Variants in TBXAS1 observed in about 807,000 individuals in gnomAD.
TBXAS1 encodes the protein thromboxane-A synthase.
Under a neutral mutation model 60.7 loss-of-function variants are expected in TBXAS1, and 48 were observed. The ratio of observed to expected loss-of-function variants is 0.79; its 90% CI spans 0.63 to 1.01. The LOEUF is 1.01. Ranked by LOEUF, TBXAS1 falls within the 50% of genes least tolerant of loss-of-function variation. The probability of loss-of-function intolerance (pLI) is 0.00; values close to 1 mark genes in which losing one functional copy is unlikely to be tolerated. For synonymous variants in TBXAS1, 287 were observed against 269.7 expected, an observed-to-expected ratio of 1.06 and a Z score of -0.63; for missense variants, 685 against 686.3, an observed-to-expected ratio of 1.00 and a Z score of 0.02.
intron 2 of TBXAS1, 64 bp from the exon 3 acceptor site, chr7:139,875,521 A>G (rs1166155302): frequency 1.4e-6 from 2 of 1,392,284 alleles, no homozygotes; most frequent in East Asian, 4.6e-5. Context: ...TGTTTACTGA[A>G]TAAGTTTGAA....
intron 9 of TBXAS1, among the ~76,000 whole-genome samples, chr7:139,995,764 A>G (rs2117629359): frequency 6.6e-6 from 1 of 152,282 alleles, no homozygotes; most frequent in East Asian, 1.9e-4. Context: ...ACTGCATGGC[A>G]CAGCACTGCC....
intron 9 of TBXAS1, among the ~76,000 whole-genome samples, chr7:139,984,333 G>A (rs1812181193): frequency 6.6e-6 from 1 of 151,740 alleles, no homozygotes; most frequent in Admixed American, 6.6e-5. Context: ...TTTTTACAGA[G>A]CCATGTCAGA....
rs1584878386 is a variant in TBXAS1, at chr7:139,930,004, A to C, written c.334-6187A>C. Among the ~76,000 whole-genome samples the C allele has an allele frequency of 2.0e-5, 3 of 152,234 alleles. No homozygotes were observed. In the East Asian group the frequency reaches 5.8e-4, roughly 29 times the overall value. On this transcript the variant is annotated intron_variant, in intron 4 of 12. Coordinates refer to ENST00000448866, the MANE Select transcript of TBXAS1 (RefSeq NM_001061.7). Reference sequence around the variant, plus strand: ...GTCTTGTGGAGTACAAATCCTACCAAGATTCTGGAGGCCCTCCACACACAG... The same window carrying C: ...GTCTTGTGGAGTACAAATCCTACCACGATTCTGGAGGCCCTCCACACACAG...
At chr7:139,873,311 G>A (rs149159927) in intron 2 of TBXAS1, among the ~76,000 whole-genome samples, 5 of 152,324 alleles carry the variant, frequency 3.3e-5, no homozygotes, top group East Asian at 3.9e-4. Context: ...AGGAAGGCAC[G>A]TGAAGAACTA....
In TBXAS1 at chr7:139,961,993, C is replaced by T. The variant is rs768208353; in HGVS notation, c.894C>T (p.Asp298=). 1.9e-6 allele frequency: 3 copies of T among 1,614,258 alleles called. No individual in the cohort carries two copies. The Admixed American group carries it at 5.0e-5, about 27-fold the overall frequency. Residue 298 remains aspartate, a synonymous_variant, in exon 9 of 13, where the codon GAC becomes GAT. Coordinates refer to ENST00000448866, the MANE Select transcript of TBXAS1 (RefSeq NM_001061.7). ...GTCCCATGGGCGTGCAAGACTTTGA[C>T]ATCGTCAGAGACGTTTTCTCCTCTA... ...SASPMGVQDF[D]IVRDVFSSTG...
Position 139,780,738 on chromosome 7 carries a change from A to T in TBXAS1, c.-317-2A>T, listed in dbSNP as rs1796958216. On this transcript the variant is annotated splice_acceptor_variant, in intron 1 of 16. Transcript: ENST00000336425. LOFTEE classifies it low-confidence loss of function (5UTR_SPLICE). Reference sequence around the variant, plus strand: ...ACTGACTTTTGTCTCATCTTTCCTTAGGCTCACAGAACATTTCCTGCCTGT... The same window carrying T: ...ACTGACTTTTGTCTCATCTTTCCTTTGGCTCACAGAACATTTCCTGCCTGT... 6.5e-6 allele frequency: 1 copy of T among 154,260 alleles called. No homozygotes were observed. Among genetic ancestry groups the T allele is most frequent in the South Asian group, 2.0e-4 (1 of 4,924 alleles). The allele number at this position is 154,260 out of a possible 1,614,324, so 9.6% of individuals were successfully genotyped here.
intron 4 of TBXAS1, among the ~76,000 whole-genome samples, chr7:139,813,020 G>T (rs576599003): frequency 6.6e-6 from 1 of 151,448 alleles, no homozygotes. Context: ...CCATGCCACT[G>T]CACTCCAGCC....
At chr7:139,934,172 A>G (rs1357865034) in intron 4 of TBXAS1, among the ~76,000 whole-genome samples, 1 of 151,944 alleles carries the variant, frequency 6.6e-6, no homozygotes, top group East Asian at 1.9e-4. Flanking sequence ...ATGAGGGCCA[A>G]TGCAAAGTCT....
At chr7:139,926,538 G>A (rs918623730) in intron 4 of TBXAS1, among the ~76,000 whole-genome samples, 1 of 151,696 alleles carries the variant, frequency 6.6e-6, no homozygotes, top group African/African-American at 2.4e-5. Context: ...TCTTAGTCTG[G>A]CTAAAGGTTT....
intron 1 of TBXAS1, among the ~76,000 whole-genome samples, chr7:139,833,053 A>G (rs1406070935): frequency 6.6e-6 from 1 of 152,190 alleles, no homozygotes; most frequent in Non-Finnish European, 1.5e-5. Context: ...AATACGAGCT[A>G]AAAAGCAAAA....
intron 9 of TBXAS1, among the ~76,000 whole-genome samples, chr7:139,983,386 C>T (rs571623912): frequency 2.6e-5 from 4 of 152,178 alleles, no homozygotes; most frequent in Admixed American, 6.5e-5. Flanking sequence ...TCTATGAAGT[C>T]GGTAGGGTAT....
intron 4 of TBXAS1, among the ~76,000 whole-genome samples, chr7:139,935,012 C>G (rs1321835487): frequency 1.3e-5 from 2 of 152,178 alleles, no homozygotes; most frequent in African/African-American, 4.8e-5. Context: ...GGGCATTTCG[C>G]CATGTTGACC....
intron 1 of TBXAS1, among the ~76,000 whole-genome samples, chr7:139,863,996 C>T (rs972874678): frequency 2.0e-4 from 30 of 152,170 alleles, no homozygotes; most frequent in African/African-American, 6.3e-4. Context: ...ACATTAGCTG[C>T]ATTCCTGCAG....
upstream of TBXAS1, among the ~76,000 whole-genome samples, chr7:139,827,897 C>T (rs768711770): frequency 6.6e-6 from 1 of 152,212 alleles, no homozygotes; most frequent in Non-Finnish European, 1.5e-5. Flanking sequence ...GTTCTTCTGT[C>T]TCACAGCTCT....
intron 4 of TBXAS1, among the ~76,000 whole-genome samples, chr7:139,914,436 A>T (rs1805805169): frequency 6.6e-6 from 1 of 152,206 alleles, no homozygotes; most frequent in Non-Finnish European, 1.5e-5. Flanking sequence ...GGTCACAACC[A>T]GTGGCAGAAC....
chr7:139,927,187 A>G (rs1282515094), intron 4 of TBXAS1, among the ~76,000 whole-genome samples: 1 of 150,008 alleles, frequency 6.7e-6, no homozygotes, highest in Non-Finnish European at 1.5e-5. Flanking sequence ...CCGTACAGAC[A>G]GGATTTCACC....
intron 4 of TBXAS1, among the ~76,000 whole-genome samples, chr7:139,811,941 G>C (rs781230627): frequency 6.6e-6 from 1 of 152,208 alleles, no homozygotes; most frequent in African/African-American, 2.4e-5. Flanking sequence ...TCAGGAGCAT[G>C]CCTGAAGCAG....
chr7:139,874,022 C>T (rs934975319), intron 2 of TBXAS1, among the ~76,000 whole-genome samples: 2 of 152,146 alleles, frequency 1.3e-5, no homozygotes, highest in African/African-American at 4.8e-5. Flanking sequence ...TCTGCCCCCA[C>T]CTTCTCAATT....
intron 1 of TBXAS1, among the ~76,000 whole-genome samples, chr7:139,867,593 G>A (rs950826215): frequency 1.3e-5 from 2 of 152,180 alleles, no homozygotes; most frequent in African/African-American, 4.8e-5. Context: ...GGCCAAGGCA[G>A]GCGGATCGCC....
Sources: gnomAD v4.1 joint callset for allele counts (sites outside exome capture counted in the v4.1 genomes callset) on GRCh38, gnomAD v4.1.1 for gene constraint, MANE v1.5 for transcripts, NCBI Gene and HGNC (gene_info 2026-07-23, HGNC 2026-07-21) for gene names.